SPNS2: variants seen among roughly 807,000 people sequenced by gnomAD.
The protein encoded by SPNS2 is SPNS lysolipid transporter 2, sphingosine-1-phosphate, also known as sphingosine-1-phosphate transporter SPNS2.
A neutral mutation model predicts 57.6 loss-of-function variants in SPNS2; 37 were observed. The observed-to-expected ratio is 0.64, with a 90% CI of 0.49 to 0.85. SPNS2 has a LOEUF of 0.85. SPNS2 is among the 40% of genes least tolerant of loss of function. The pLI is 0.00. For missense variants in SPNS2, 831 were observed against 779.1 expected (o/e 1.07, Z -0.79); for synonymous variants, 440 against 346.9 (o/e 1.27, Z -2.98).
In SPNS2 at chr17:4,498,936, G is replaced by T; in HGVS notation, c.-112G>T. The stretch of plus-strand genomic sequence containing the variant: ...CCGGGGCCGGAGCGCAGGAGCCGAC[G>T]GGGCCCGACCAGGATGGTGCAGTGG... On this transcript the variant is annotated 5_prime_UTR_variant, in exon 1 of 13. Transcript: ENST00000329078. 1.7e-6 allele frequency: 1 copy of T among 599,628 alleles called. No homozygotes were observed. The highest frequency in any genetic ancestry group is 2.1e-6 in the Non-Finnish European group (1 of 477,962). 37.1% of individuals were successfully genotyped at this position (599,628 alleles called of 1,614,324 possible).
At chr17:4,536,606 G>C in intron 11 of SPNS2, 180 bp downstream of exon 11, 2 of 799,024 alleles carry the variant, frequency 2.5e-6, no homozygotes, top group Non-Finnish European at 3.9e-6. Context: ...TGGAGCTGTG[G>C]GAGGCCACGG....
rs1032004614 is a variant in SPNS2, at chr17:4,499,826, C to T, written c.370+409C>T. ...CCTTCCCCCAGCCCAGGTCGTCTGT[C>T]CGTCCATGGCCCGTCAGTTCCTTCC... On this transcript the variant is annotated intron_variant, in intron 1 of 12. Coordinates refer to ENST00000329078, the MANE Select transcript of SPNS2 (RefSeq NM_001124758.3). This position sits in a 1 kb window ranked among gnomAD's most constrained non-coding sequence, Gnocchi z 5.2. Among the ~76,000 whole-genome samples, 2 of 152,214 alleles carry T rather than the reference C, an allele frequency of 1.3e-5. No individual in the cohort carries two copies. Among genetic ancestry groups the T allele is most frequent in the African/African-American group, 4.8e-5 (2 of 41,464 alleles).
intron 1 of SPNS2, among the ~76,000 whole-genome samples, chr17:4,502,539 T>A (rs550389078): frequency 8.7e-4 from 132 of 152,334 alleles, no homozygotes; most frequent in Non-Finnish European, 1.6e-3. Context: ...GAGTGGACAG[T>A]GCAGGTCTAG....
At chr17:4,524,313 C>G (rs984072866) in intron 2 of SPNS2, among the ~76,000 whole-genome samples, 12 of 152,196 alleles carry the variant, frequency 7.9e-5, no homozygotes, top group African/African-American at 2.9e-4. Context: ...CCAAGTCACT[C>G]TCCCTCTGAG....
At chr17:4,535,478 G>A (rs895047233) in intron 9 of SPNS2, among the ~76,000 whole-genome samples, 1 of 152,160 alleles carries the variant, frequency 6.6e-6, no homozygotes, top group Non-Finnish European at 1.5e-5. Flanking sequence ...TGCCTCTCTA[G>A]ACCTCAGTGT....
chr17:4,537,844 G>A lies in SPNS2; in HGVS notation c.*396G>A, dbSNP rs572096184. ...GCTGGACTTTCCCACACAACTTGCT[G>A]GGCAAAGCACGATCTGCAGCTTTGA... On this transcript the variant is annotated 3_prime_UTR_variant, in exon 13 of 13. Coordinates refer to ENST00000329078, the MANE Select transcript of SPNS2 (RefSeq NM_001124758.3). 36 of 454,546 alleles carry A rather than the reference G, an allele frequency of 7.9e-5. No homozygotes were observed. The highest frequency in any genetic ancestry group is 7.2e-4 in the African/African-American group (36 of 50,166). The allele number at this position is 454,546 out of a possible 1,614,324, so 28.2% of individuals were successfully genotyped here. A position where few individuals can be genotyped will look rare whatever the true frequency, so the allele number is the denominator to read the frequency against.
intron 3 of SPNS2, among the ~76,000 whole-genome samples, chr17:4,527,128 C>T (rs1905280264): frequency 6.6e-6 from 1 of 151,032 alleles, no homozygotes; most frequent in Non-Finnish European, 1.5e-5. Flanking sequence ...AGGTCACCTC[C>T]AGTGAATCCA....
rs1904677467 is a variant in SPNS2 at position 4,506,333 on chromosome 17, C to CCCCT, written c.371-6913_371-6910dup. Among the ~76,000 whole-genome samples, 3 of 152,218 alleles carry CCCCT rather than the reference C, an allele frequency of 2.0e-5. No homozygotes were observed. In the South Asian group the frequency reaches 6.2e-4, roughly 32 times the overall value. ...TCTCTTCCCCACCCTCTTCCCCAGG[C>CCCCT]CCCTGCCTTATCCTGTGTCTGGCTG... On this transcript the variant is annotated intron_variant, in intron 1 of 12. Transcript: ENST00000329078.
At chr17:4,519,649 C>T (rs2144336185) in intron 2 of SPNS2, among the ~76,000 whole-genome samples, 2 of 36,866 alleles carry the variant, frequency 5.4e-5, no homozygotes, top group South Asian at 1.6e-3. Flanking sequence ...CTGGGAAAGC[C>T]GCCCCTACCA....
intron 3 of SPNS2, among the ~76,000 whole-genome samples, chr17:4,525,444 G>C (rs1001092603): frequency 6.6e-6 from 1 of 152,208 alleles, no homozygotes; most frequent in East Asian, 1.9e-4. Context: ...CTCTTTCTGA[G>C]CATCCCTCTG....
intron 9 of SPNS2, among the ~76,000 whole-genome samples, chr17:4,534,893 G>A (rs773882294): frequency 5.3e-5 from 8 of 152,148 alleles, no homozygotes; most frequent in Non-Finnish European, 1.0e-4. Flanking sequence ...GGGAGCGCCT[G>A]ACAGCTGCCG....
At chr17:4,528,856 C>T (rs1282194384) in intron 3 of SPNS2, among the ~76,000 whole-genome samples, 1 of 152,116 alleles carries the variant, frequency 6.6e-6, no homozygotes, top group Non-Finnish European at 1.5e-5. Flanking sequence ...TCACTGCAGG[C>T]TTGACTTCCT....
chr17:4,501,240 C>T (rs1006222394), intron 1 of SPNS2, among the ~76,000 whole-genome samples: 23 of 152,216 alleles, frequency 1.5e-4, no homozygotes, highest in Middle Eastern at 3.4e-3. Flanking sequence ...GGCACTGTAG[C>T]GCTCTCCAAC....
At chr17:4,536,512 C>A (rs373557981) in intron 11 of SPNS2, 86 bp downstream of exon 11, 28 of 1,367,658 alleles carry the variant, frequency 2.0e-5, no homozygotes, top group East Asian at 4.6e-5. Context: ...TGGGGTGGGG[C>A]GGGGAGGGTA....
chr17:4,499,154 G>C lies in SPNS2; in HGVS notation c.107G>C (p.Gly36Ala). 1 of 1,202,996 alleles carries C rather than the reference G, an allele frequency of 8.3e-7. No individual in the cohort carries two copies. Among genetic ancestry groups the C allele is most frequent in the Non-Finnish European group, 1.0e-6 (1 of 969,966 alleles). 74.5% of individuals were successfully genotyped at this position (1,202,996 alleles called of 1,614,324 possible). Reference sequence around the variant, plus strand: ...CGGGGGGCGCAGCGAGGGGCTGGCGGTAGCGGTTGCTGCGGGGCGCGGGGC... The same window carrying C: ...CGGGGGGCGCAGCGAGGGGCTGGCGCTAGCGGTTGCTGCGGGGCGCGGGGC... ...RRRGAQRGAG[G>A]SGCCGARGAG... The change falls in exon 1 of 13, where the codon GGT becomes GCT. Residue 36 changes from glycine to alanine, a missense_variant. Physicochemically the swap from Gly to Ala is moderately conservative, Grantham distance 60. Transcript: ENST00000329078. The surrounding 1 kb of genome is among the most constrained non-coding windows in gnomAD (Gnocchi z 5.2).
At chr17:4,535,931 C>T (rs1179153397) in intron 9 of SPNS2, 145 bp from the exon 10 acceptor site, 6 of 649,838 alleles carry the variant, frequency 9.2e-6, no homozygotes, top group East Asian at 2.8e-5. Context: ...GGGAGGAGGG[C>T]AGGGCCCAGG....
At chr17:4,506,149 G>A (rs144706116) in intron 1 of SPNS2, among the ~76,000 whole-genome samples, 7 of 152,226 alleles carry the variant, frequency 4.6e-5, no homozygotes, top group East Asian at 1.9e-4. Flanking sequence ...GGACCAGCTC[G>A]GCCTGGCTCC....
chr17:4,532,802 A>G (rs2144368044), intron 6 of SPNS2, 118 bp downstream of exon 6: 1 of 1,452,422 alleles, frequency 6.9e-7, no homozygotes, highest in Non-Finnish European at 9.3e-7. Context: ...CTGCTGTCTC[A>G]GTGCTGGGAG....
intron 1 of SPNS2, among the ~76,000 whole-genome samples, chr17:4,501,723 A>G (rs1182194222): frequency 6.6e-6 from 1 of 152,144 alleles, no homozygotes; most frequent in East Asian, 1.9e-4. Context: ...TTGATGTGCT[A>G]GGGCCAGGGG....
Sources: allele counts gnomAD v4.1 joint callset (sites outside exome capture counted in the v4.1 genomes callset), GRCh38; gene constraint gnomAD v4.1.1; non-coding constraint Gnocchi (gnomAD v3.1); transcripts MANE v1.5; gene names NCBI Gene and HGNC (gene_info 2026-07-23, HGNC 2026-07-21).